The following SRGAP3 variants were observed in gnomAD, a reference collection of about 807,000 sequenced individuals.
SRGAP3 encodes SLIT-ROBO Rho GTPase activating protein 3.
In SRGAP3, 39 loss-of-function variants were observed where a neutral mutation model predicts 121.1. The observed-to-expected ratio is 0.32, with a 90% CI of 0.25 to 0.42. The LOEUF (loss-of-function observed/expected upper bound fraction) is 0.42. Ranked by LOEUF, SRGAP3 falls within the 10% of genes least tolerant of loss-of-function variation. The probability of loss-of-function intolerance (pLI) is 1.00; values close to 1 mark genes in which losing one functional copy is unlikely to be tolerated. For missense variants in SRGAP3, 1,213 were observed against 1,470.6 expected (o/e 0.82, Z 2.86); for synonymous variants, 601 against 570.0 (o/e 1.05, Z -0.77).
chr3:9,252,255 G>A (rs1954034533), upstream of SRGAP3, among the ~76,000 whole-genome samples: 1 of 152,070 alleles, frequency 6.6e-6, no homozygotes, highest in Admixed American at 6.5e-5. Flanking sequence ...AGCAGATGCT[G>A]GTGTTATGCT....
chr3:9,361,502 T>C (rs761176487), intron 1 of SRGAP3, among the ~76,000 whole-genome samples: 6 of 152,190 alleles, frequency 3.9e-5, no homozygotes, highest in African/African-American at 1.2e-4. Flanking sequence ...AAGTTAACTT[T>C]TGTCAACTGA....
At chr3:9,060,412 T>C (rs1053266055) in intron 5 of SRGAP3, 53 bp from the exon 6 acceptor site, 36 of 1,598,580 alleles carry the variant, frequency 2.3e-5, no homozygotes, top group Non-Finnish European at 2.8e-5. Context: ...AGGACGGGGT[T>C]TGTGATTTTC....
rs80277975 is a variant in SRGAP3, at chr3:9,050,571, T to C, written c.1323+2456A>G. Among the ~76,000 whole-genome samples, 801 of 152,334 alleles carry C rather than the reference T, an allele frequency of 5.3e-3. 7 individuals carry two copies. The highest frequency in any genetic ancestry group is 0.018 in the African/African-American group (747 of 41,574). On this transcript the variant is annotated intron_variant, in intron 9 of 21. Coordinates refer to ENST00000383836, the MANE Select transcript of SRGAP3 (RefSeq NM_014850.4). ...CCTAAAATAATGAGTCATGAGAAGG[T>C]ATACTAGGAAACCAGGTTAGCAAAC...
chr3:9,345,254 G>A (rs553310746), intron 1 of SRGAP3, among the ~76,000 whole-genome samples: 82 of 152,266 alleles, frequency 5.4e-4, no homozygotes, highest in African/African-American at 1.9e-3. Flanking sequence ...AATTCGGGAG[G>A]CCCAGGCAGG....
intron 2 of SRGAP3, among the ~76,000 whole-genome samples, chr3:9,107,621 C>T (rs568805628): frequency 1.3e-5 from 2 of 152,248 alleles, no homozygotes; most frequent in Non-Finnish European, 2.9e-5. Context: ...GAACCAGCAG[C>T]AGCAGCATCA....
In SRGAP3 at chr3:9,012,583, T is replaced by C. The variant is rs183897666; in HGVS notation, c.2147+725A>G. The stretch of plus-strand genomic sequence containing the variant: ...CCCAAACTAGTGATTGTTGACATGG[T>C]GTTGGACACGCAAAGAAACTGAGCT... On this transcript the variant is annotated intron_variant, in intron 17 of 21. Transcript: ENST00000383836. 3.3e-3 allele frequency among the ~76,000 whole-genome samples: 509 copies of C among 152,274 alleles called. 1 individual carries two copies. The highest frequency in any genetic ancestry group is 6.2e-3 in the Non-Finnish European group (419 of 68,022).
intron 1 of SRGAP3, among the ~76,000 whole-genome samples, chr3:9,203,005 T>A (rs1462663514): frequency 6.6e-6 from 1 of 152,212 alleles, no homozygotes; most frequent in African/African-American, 2.4e-5. Context: ...GCAACCCTTG[T>A]GGGATCAGCT....
intron 4 of SRGAP3, among the ~76,000 whole-genome samples, chr3:9,076,583 C>T (rs1208285674): frequency 6.6e-6 from 1 of 152,064 alleles, no homozygotes; most frequent in Non-Finnish European, 1.5e-5. Flanking sequence ...AGAACTCCTT[C>T]TCTCTTCCTC....
chr3:9,205,072 C>T (rs530602072), intron 1 of SRGAP3, among the ~76,000 whole-genome samples: 1 of 152,302 alleles, frequency 6.6e-6, no homozygotes, highest in Non-Finnish European at 1.5e-5. Flanking sequence ...CTTCGGATCC[C>T]AGACCCAGGA....
chr3:9,006,852 G>A (rs917815383), intron 18 of SRGAP3: 7 of 151,746 alleles, frequency 4.6e-5, no homozygotes, highest in Admixed American at 4.6e-4. Context: ...GCCTAACCAT[G>A]GTTTCTTTAT....
At chr3:8,991,188 T>G (rs1206880196) in intron 20 of SRGAP3, among the ~76,000 whole-genome samples, 1 of 152,178 alleles carries the variant, frequency 6.6e-6, no homozygotes, top group Admixed American at 6.5e-5. Context: ...GTTGGGCTCA[T>G]GATACCCTCT....
intron 1 of SRGAP3, among the ~76,000 whole-genome samples, chr3:9,169,083 G>C (rs1461019767): frequency 6.6e-6 from 1 of 152,142 alleles, no homozygotes; most frequent in Non-Finnish European, 1.5e-5. Context: ...ATCCCGGCTC[G>C]TTCAGCTATT....
intron 1 of SRGAP3, among the ~76,000 whole-genome samples, chr3:9,135,133 C>T (rs993735786): frequency 1.3e-5 from 2 of 152,212 alleles, no homozygotes; most frequent in African/African-American, 4.8e-5. Flanking sequence ...GCACTTGCCA[C>T]ATTTCACGTG....
intron 3 of SRGAP3, among the ~76,000 whole-genome samples, chr3:9,291,488 C>G (rs1954868127): frequency 6.6e-6 from 1 of 152,000 alleles, no homozygotes; most frequent in South Asian, 2.1e-4. Context: ...TATTTGGATA[C>G]TTTTTTCCTT....
At chr3:9,136,122 C>G (rs915083897) in intron 1 of SRGAP3, among the ~76,000 whole-genome samples, 2 of 152,250 alleles carry the variant, frequency 1.3e-5, no homozygotes, top group African/African-American at 4.8e-5. Flanking sequence ...CTTCCAGCCT[C>G]TCTGTGCTGG....
intron 1 of SRGAP3, among the ~76,000 whole-genome samples, chr3:9,143,120 A>G (rs1949916280): frequency 2.6e-5 from 4 of 152,018 alleles, no homozygotes; most frequent in Non-Finnish European, 5.9e-5. Context: ...GATTACAGTC[A>G]TGAGCCACCA....
chr3:9,001,690 G>C (rs1226733343), intron 18 of SRGAP3, among the ~76,000 whole-genome samples: 1 of 152,100 alleles, frequency 6.6e-6, no homozygotes, highest in Non-Finnish European at 1.5e-5. Context: ...TAGATTCAAA[G>C]ATACAATTAG....
chr3:9,221,919 G>A (rs370555399), intron 1 of SRGAP3, among the ~76,000 whole-genome samples: 174 of 152,258 alleles, frequency 1.1e-3, no homozygotes, highest in South Asian at 7.7e-3. Context: ...TATAAATGTC[G>A]GGGGATCAAA....
In SRGAP3 at chr3:8,990,551, T is replaced by A. The variant is rs1207977316; in HGVS notation, c.2847A>T (p.Leu949=). The A allele has an allele frequency of 1.9e-6, 3 of 1,575,282 alleles. No individual in the cohort carries two copies. Among genetic ancestry groups the A allele is most frequent in the Non-Finnish European group, 2.6e-6 (3 of 1,160,420 alleles). The change falls in exon 21 of 22, where the codon CTA becomes CTT. Residue 949 remains leucine (L), a synonymous_variant. Coordinates refer to ENST00000383836, the MANE Select transcript of SRGAP3 (RefSeq NM_014850.4). ...CGGCCTCCAGGGACTTGTGGTCCCC[T>A]AGGCTGCTGTGCCTGGTGGAACCGC... ...STCGSTRHSS[L]GDHKSLEAEA...
Sources: allele counts gnomAD v4.1 joint callset (sites outside exome capture counted in the v4.1 genomes callset), GRCh38; gene constraint gnomAD v4.1.1; transcripts MANE v1.5; gene names NCBI Gene and HGNC (gene_info 2026-07-23, HGNC 2026-07-21).